ACER3: variants seen among roughly 807,000 people sequenced by gnomAD.
The protein encoded by ACER3 is alkaline ceramidase 3, also known as alkCDase 3.
A neutral mutation model predicts 48.9 loss-of-function variants in ACER3; 16 were observed. The observed-to-expected ratio is 0.33, with a 90% confidence interval of 0.22 to 0.50. The LOEUF is 0.50. Ranked by LOEUF, ACER3 falls within the 20% of genes least tolerant of loss-of-function variation. The pLI is 0.98. For missense variants in ACER3, 227 were observed against 326.0 expected, an observed-to-expected ratio of 0.70 and a Z score of 2.34; for synonymous variants, 109 against 107.8, an observed-to-expected ratio of 1.01 and a Z score of -0.07.
intron 2 of ACER3, among the ~76,000 whole-genome samples, chr11:76,938,324 A>C (rs1301209647): frequency 6.6e-6 from 1 of 151,992 alleles, no homozygotes; most frequent in Non-Finnish European, 1.5e-5. Flanking sequence ...AAGCAAATGA[A>C]AAACTTTTTT....
chr11:76,926,796 A>G, intron 2 of ACER3, 129 bp downstream of exon 2: 1 of 561,022 alleles, frequency 1.8e-6, no homozygotes, highest in East Asian at 3.3e-5. Context: ...CTTCTTAGTT[A>G]AAACTCCAAA....
chr11:76,903,042 T>G (rs1296174166), intron 1 of ACER3, among the ~76,000 whole-genome samples: 2 of 152,230 alleles, frequency 1.3e-5, no homozygotes, highest in Admixed American at 1.3e-4. Flanking sequence ...AATGATAAAA[T>G]AGACTAGTAT....
intron 1 of ACER3, among the ~76,000 whole-genome samples, chr11:76,881,230 G>C (rs1590874560): frequency 6.7e-6 from 1 of 148,478 alleles, no homozygotes; most frequent in South Asian, 2.1e-4. Context: ...ACTCCGGCCT[G>C]GATGACAGAG....
intron 2 of ACER3, among the ~76,000 whole-genome samples, chr11:76,939,519 C>T (rs1030398533): frequency 2.0e-5 from 3 of 152,094 alleles, no homozygotes; most frequent in Non-Finnish European, 2.9e-5. Flanking sequence ...TTCCTTGAGT[C>T]GAGGAGGTAG....
intron 3 of ACER3, among the ~76,000 whole-genome samples, chr11:76,963,816 A>G (rs1320907615): frequency 6.6e-6 from 1 of 151,466 alleles, no homozygotes; most frequent in Non-Finnish European, 1.5e-5. Flanking sequence ...TGCTGCGTTA[A>G]GAAAAGAAAC....
chr11:76,918,185 A>T (rs1946588204), intron 1 of ACER3, among the ~76,000 whole-genome samples: 1 of 151,882 alleles, frequency 6.6e-6, no homozygotes, highest in Non-Finnish European at 1.5e-5. Context: ...TGTAGAAAAT[A>T]CTTGATAAAT....
chr11:76,990,513 C>A, intron 5 of ACER3, 26 bp from the exon 6 acceptor site: 1 of 1,467,464 alleles, frequency 6.8e-7, no homozygotes. Flanking sequence ...ACTTCATTCA[C>A]ATGTGTTTTT....
At chr11:76,926,500 CT>C (rs1590940285) in intron 1 of ACER3, 56 bp from the exon 2 acceptor site, 2 of 1,022,466 alleles carry the variant, frequency 2.0e-6, no homozygotes, top group East Asian at 5.2e-5. Flanking sequence ...GTGAATGTAT[CT>C]TTATTTAAAG....
chr11:76,865,138 A>ATTT (rs35627838), intron 1 of ACER3, among the ~76,000 whole-genome samples: 1 of 128,330 alleles, frequency 7.8e-6, no homozygotes, highest in Non-Finnish European at 1.6e-5. Context: ...TGCCCAGCTA[A>ATTT]TTTTTTTTTT....
Position 76,976,282 on chromosome 11 carries a change from C to T in ACER3, c.268-7C>T, listed in dbSNP as rs772071463. On this transcript the variant is annotated splice_polypyrimidine_tract_variant and splice_region_variant and intron_variant, in intron 3 of 10. Coordinates refer to ENST00000532485, the MANE Select transcript of ACER3 (RefSeq NM_018367.7). ...TCAAGCCTGTTATCTATCTTTGTTTCTTACAGCTATTGGATGAACTCCCAA... is the reference window on the plus strand; with the variant it reads ...TCAAGCCTGTTATCTATCTTTGTTTTTTACAGCTATTGGATGAACTCCCAA... 6.2e-7 allele frequency: 1 copy of T among 1,600,590 alleles called. No homozygotes were observed. The highest frequency in any genetic ancestry group is 8.5e-7 in the Non-Finnish European group (1 of 1,170,728).
At chr11:76,892,226 G>A (rs1362621656) in intron 1 of ACER3, among the ~76,000 whole-genome samples, 2 of 152,118 alleles carry the variant, frequency 1.3e-5, no homozygotes, top group African/African-American at 4.8e-5. Context: ...AAGATGTTAT[G>A]TAAATAAAGT....
chr11:76,974,439 T>C (rs1948384960), intron 3 of ACER3, among the ~76,000 whole-genome samples: 1 of 152,162 alleles, frequency 6.6e-6, no homozygotes, highest in Non-Finnish European at 1.5e-5. Flanking sequence ...TATAGCTTAC[T>C]AAAAAGAAAA....
At chr11:77,019,007 C>T (rs1555023863) in intron 9 of ACER3, among the ~76,000 whole-genome samples, 9 of 152,110 alleles carry the variant, frequency 5.9e-5, no homozygotes, top group Non-Finnish European at 4.4e-5. Context: ...AAGAAGATAC[C>T]ATCTAGGATT....
intron 1 of ACER3, among the ~76,000 whole-genome samples, chr11:76,910,221 AT>A (rs1417441623): frequency 1.3e-4 from 20 of 152,278 alleles, no homozygotes; most frequent in African/African-American, 4.8e-4. Context: ...ATGTATAACT[AT>A]GTAACAAACC....
intron 2 of ACER3, among the ~76,000 whole-genome samples, chr11:76,928,160 G>C (rs1946883094): frequency 6.6e-6 from 1 of 152,122 alleles, no homozygotes; most frequent in Non-Finnish European, 1.5e-5. Context: ...ATTCTAACTG[G>C]TGTGAGATGG....
At chr11:76,929,873 G>T (rs1424944438) in intron 2 of ACER3, among the ~76,000 whole-genome samples, 1 of 152,218 alleles carries the variant, frequency 6.6e-6, no homozygotes, top group Non-Finnish European at 1.5e-5. Context: ...TGGTTTGCCA[G>T]TATTTTATTG....
chr11:76,997,327 TCCTA>T (rs1948935854), intron 6 of ACER3, among the ~76,000 whole-genome samples: 1 of 152,140 alleles, frequency 6.6e-6, no homozygotes, highest in Non-Finnish European at 1.5e-5. Context: ...TCTGTACAGT[TCCTA>T]CCATAGAGTT....
intron 9 of ACER3, chr11:77,019,530 G>A (rs1170717900): frequency 1.2e-5 from 7 of 589,116 alleles, no homozygotes; most frequent in Non-Finnish European, 2.1e-5. Context: ...CTAGATTACA[G>A]CACATCCATT....
At chr11:76,986,858 G>T (rs1369353096) in intron 5 of ACER3, among the ~76,000 whole-genome samples, 1 of 152,074 alleles carries the variant, frequency 6.6e-6, no homozygotes, top group Non-Finnish European at 1.5e-5. Context: ...TTGAGGTCAG[G>T]AGTTCATGAC....
Sources: allele counts gnomAD v4.1 joint callset (sites outside exome capture counted in the v4.1 genomes callset), GRCh38; gene constraint gnomAD v4.1.1; transcripts MANE v1.5; gene names NCBI Gene and HGNC (gene_info 2026-07-23, HGNC 2026-07-21).